Variants in HVCN1 observed in about 807,000 individuals in gnomAD.
HVCN1 encodes voltage-gated hydrogen channel 1.
Under a neutral mutation model 29.2 loss-of-function variants are expected in HVCN1, and 14 were observed. The observed-to-expected ratio is 0.48, with a 90% CI of 0.32 to 0.75. The LOEUF (loss-of-function observed/expected upper bound fraction) is 0.75. Among genes scored for constraint, HVCN1 ranks in the 30% least tolerant of loss-of-function variants. The pLI is 0.04. For missense variants in HVCN1, 263 were observed against 341.8 expected (o/e 0.77, Z 1.82); for synonymous variants, 131 against 133.2 (o/e 0.98, Z 0.11).
chr12:110,693,915 A>G (rs2069451375), upstream of HVCN1, among the ~76,000 whole-genome samples: 1 of 152,220 alleles, frequency 6.6e-6, no homozygotes, highest in African/African-American at 2.4e-5. Flanking sequence ...CGTTAGATGA[A>G]GGACTTGTTC....
intron 4 of HVCN1, among the ~76,000 whole-genome samples, chr12:110,660,560 TTG>T (rs1403240855): frequency 6.6e-6 from 1 of 152,236 alleles, no homozygotes; most frequent in East Asian, 1.9e-4. Context: ...TTTATTTTTT[TTG>T]TGTGTGGTAA....
At chr12:110,663,111 G>A (rs1289531593) in intron 3 of HVCN1, among the ~76,000 whole-genome samples, 2 of 152,184 alleles carry the variant, frequency 1.3e-5, no homozygotes, top group African/African-American at 4.8e-5. Context: ...GTGAAGCAAT[G>A]GGGTCTCTTG....
chr12:110,671,683 C>T (rs1451194861), intron 3 of HVCN1, among the ~76,000 whole-genome samples: 1 of 152,186 alleles, frequency 6.6e-6, no homozygotes. Flanking sequence ...ACACATTTGT[C>T]CTGGACTCCA....
At chr12:110,667,834 T>C (rs765025851) in intron 3 of HVCN1, among the ~76,000 whole-genome samples, 1 of 152,208 alleles carries the variant, frequency 6.6e-6, no homozygotes, top group Non-Finnish European at 1.5e-5. Context: ...CGCATTTATA[T>C]TTTACAGAAG....
At chr12:110,679,465 C>T (rs1017104993) in intron 3 of HVCN1, among the ~76,000 whole-genome samples, 6 of 152,192 alleles carry the variant, frequency 3.9e-5, no homozygotes, top group African/African-American at 7.2e-5. Flanking sequence ...AATGCAGGCT[C>T]GAGCCAGGCA....
intron 4 of HVCN1, among the ~76,000 whole-genome samples, chr12:110,659,691 G>C (rs2068099613): frequency 6.6e-6 from 1 of 152,194 alleles, no homozygotes; most frequent in South Asian, 2.1e-4. Flanking sequence ...GGCCAAGATG[G>C]GAGGATCACT....
chr12:110,676,644 C>T lies in HVCN1; in HGVS notation c.21+6581G>A, dbSNP rs932145357. 1.3e-5 allele frequency among the ~76,000 whole-genome samples: 2 copies of T among 152,148 alleles called. No homozygotes were observed. Among genetic ancestry groups the T allele is most frequent in the Non-Finnish European group, 2.9e-5 (2 of 68,038 alleles). ...TAAGGAACTGCTCTGCTTGCAAACA[C>T]TTCACACATCTTGTCACAACTCCCT... On this transcript the variant is annotated intron_variant, in intron 3 of 7. Coordinates refer to ENST00000242607, the MANE Select transcript of HVCN1 (RefSeq NM_032369.4). This position sits in a 1 kb window ranked among gnomAD's most constrained non-coding sequence, Gnocchi z 4.1.
Position 110,651,357 on chromosome 12 carries a change from T to C in HVCN1, c.503A>G (p.His168Arg). Reference sequence around the variant, plus strand: ...GACGGCATCCAGGATCTCAAACTTGTGGTGAAAGAACTCCAGGCGGAAGAC... The same window carrying C: ...GACGGCATCCAGGATCTCAAACTTGCGGTGAAAGAACTCCAGGCGGAAGAC... Reference protein sequence around the residue: ...LFVFRLEFFHHKFEILDAVVV... With the variant: ...LFVFRLEFFHRKFEILDAVVV... The change falls in exon 6 of 8, where the codon CAC (histidine) becomes CGC (arginine). Residue 168 changes from histidine (H) to arginine (R), a missense_variant. Around this residue, in one of 3 missense-constraint regions of HVCN1, gnomAD observed 55 missense variants for 109.4 expected, o/e 0.50. Transcript: ENST00000242607. 1.2e-6 allele frequency: 2 copies of C among 1,613,418 alleles called. No individual in the cohort carries two copies. Among genetic ancestry groups the C allele is most frequent in the Non-Finnish European group, 1.7e-6 (2 of 1,179,718 alleles).
chr12:110,651,569 C>T, intron 5 of HVCN1, 121 bp from the exon 6 acceptor site: 1 of 687,494 alleles, frequency 1.5e-6, no homozygotes, highest in Non-Finnish European at 2.6e-6. Context: ...TCCAGATGCC[C>T]AGTGCTGGAA....
intron 3 of HVCN1, among the ~76,000 whole-genome samples, chr12:110,662,924 C>T (rs1355351912): frequency 6.6e-6 from 1 of 152,068 alleles, no homozygotes; most frequent in Non-Finnish European, 1.5e-5. Context: ...AGAAAAACTC[C>T]ATGGAAAACT....
At chr12:110,700,462 A>T (rs142785676) in intron 2 of HVCN1, among the ~76,000 whole-genome samples, 107 of 152,228 alleles carry the variant, frequency 7.0e-4, no homozygotes, top group South Asian at 1.2e-3. Flanking sequence ...CAAGTTGTAG[A>T]AGAGTGAGTA....
chr12:110,687,265 C>CCA (rs1555238966), intron 2 of HVCN1, among the ~76,000 whole-genome samples: 1 of 150,328 alleles, frequency 6.7e-6, no homozygotes, highest in African/African-American at 2.4e-5. Flanking sequence ...ACACCCCCCC[C>CCA]CCCCAGCTAA....
intron 4 of HVCN1, among the ~76,000 whole-genome samples, chr12:110,659,630 CCTT>C (rs1228287278): frequency 6.6e-6 from 1 of 152,178 alleles, no homozygotes. Flanking sequence ...TCAGAAATGT[CCTT>C]CTAGACTGTG....
chr12:110,672,938 T>G (rs2068632614), intron 3 of HVCN1, among the ~76,000 whole-genome samples: 1 of 152,210 alleles, frequency 6.6e-6, no homozygotes, highest in Non-Finnish European at 1.5e-5. Context: ...CAGGTGCGTC[T>G]TTATCAGCAG....
intron 2 of HVCN1, among the ~76,000 whole-genome samples, chr12:110,699,957 C>T (rs770170435): frequency 1.3e-5 from 2 of 151,752 alleles, no homozygotes; most frequent in Non-Finnish European, 2.9e-5. Flanking sequence ...GGCCTAAGGG[C>T]CTTCTTCCTC....
chr12:110,653,894 A>G (rs1189377713), intron 5 of HVCN1, among the ~76,000 whole-genome samples: 1 of 152,172 alleles, frequency 6.6e-6, no homozygotes, highest in Non-Finnish European at 1.5e-5. Flanking sequence ...AGGTGGGACT[A>G]TTGATCTTAT....
At position 110,658,894 on chromosome 12, in the gene HVCN1, G is replaced by C. The variant is rs2068073297; in HGVS notation, c.306+2270C>G. On this transcript the variant is annotated intron_variant, in intron 4 of 7. Coordinates refer to ENST00000242607, the MANE Select transcript of HVCN1 (RefSeq NM_032369.4). The surrounding 1 kb of genome is among the most constrained non-coding windows in gnomAD (Gnocchi z 5.0). ...AGGCATTCGTCTTTTTCCCCAGCAG[G>C]AGTATCTGGGTGTCCCAGCTCAGGG... Among the ~76,000 whole-genome samples the C allele has an allele frequency of 1.3e-5, 2 of 152,232 alleles. No individual in the cohort carries two copies. Among genetic ancestry groups the C allele is most frequent in the Non-Finnish European group, 1.5e-5 (1 of 68,036 alleles).
chr12:110,698,279 C>T (rs891619324), intron 2 of HVCN1, among the ~76,000 whole-genome samples: 3 of 152,226 alleles, frequency 2.0e-5, no homozygotes, highest in African/African-American at 4.8e-5. Context: ...GGATTACAGG[C>T]GTGAGCCTCT....
chr12:110,699,675 G>A (rs1210787953), intron 2 of HVCN1, among the ~76,000 whole-genome samples: 4 of 152,082 alleles, frequency 2.6e-5, no homozygotes, highest in African/African-American at 9.7e-5. Context: ...TGATGATAAC[G>A]GGGAGATAAC....
Sources: gnomAD v4.1 joint callset for allele counts (sites outside exome capture counted in the v4.1 genomes callset) on GRCh38, gnomAD v4.1.1 for gene constraint, gnomAD v4.1.1 regional missense constraint, Gnocchi (gnomAD v3.1) non-coding constraint, MANE v1.5 for transcripts, NCBI Gene and HGNC (gene_info 2026-07-23, HGNC 2026-07-21) for gene names.